Variants in LRRC3B observed in about 807,000 individuals in gnomAD.
LRRC3B encodes leucine rich repeat containing 3B, also known as leucine-rich repeat-containing protein 3B.
In LRRC3B, 2 loss-of-function variants were observed where a neutral mutation model predicts 12.8. The ratio of observed to expected loss-of-function variants is 0.16; its 90% CI spans 0.06 to 0.49. The LOEUF is 0.49. LRRC3B is among the 20% of genes least tolerant of loss of function. The pLI, the probability that LRRC3B is intolerant of heterozygous loss-of-function variation, is 0.96. For missense variants in LRRC3B, 189 were observed against 319.4 expected (o/e 0.59, Z 3.11); for synonymous variants, 132 against 122.0 (o/e 1.08, Z -0.54).
intron 1 of LRRC3B, among the ~76,000 whole-genome samples, chr3:26,704,886 A>G (rs1559374159): frequency 6.6e-6 from 1 of 152,184 alleles, no homozygotes; most frequent in African/African-American, 2.4e-5. Context: ...TTTGAATTTT[A>G]TCTTTTAAAT....
chr3:26,632,481 G>A (rs1050017319), intron 1 of LRRC3B, among the ~76,000 whole-genome samples: 1 of 152,084 alleles, frequency 6.6e-6, no homozygotes, highest in South Asian at 2.1e-4. Flanking sequence ...CTATAATTGG[G>A]ACTTCTGAAC....
rs9825413 is a variant in LRRC3B at position 26,629,015 on chromosome 3, G to A, written c.-161+5778G>A. The stretch of plus-strand genomic sequence containing the variant: ...CAGTGCAAATGTCACTACCTTTTCA[G>A]ACAGTTTAAAAAATGCTTTAGGTGC... On this transcript the variant is annotated intron_variant, in intron 1 of 1. Coordinates refer to ENST00000396641, the Ensembl canonical transcript of LRRC3B. Among the ~76,000 whole-genome samples, 660 of 152,160 alleles carry A rather than the reference G, an allele frequency of 4.3e-3. 4 individuals are homozygous for A. The highest frequency in any genetic ancestry group is 0.015 in the African/African-American group (617 of 41,510).
chr3:26,628,862 A>C (rs1022746115), intron 1 of LRRC3B, among the ~76,000 whole-genome samples: 85 of 151,080 alleles, frequency 5.6e-4, no homozygotes, highest in African/African-American at 1.9e-3. Context: ...AAAAAAAAAA[A>C]ATCCTCCACA....
At chr3:26,710,496 G>A (rs1309693268) in exon 2 of LRRC3B, 8 of 1,498,946 alleles carry the variant, frequency 5.3e-6, no homozygotes, top group East Asian at 2.3e-5. Flanking sequence ...AGTAGTTTGC[G>A]ATTGCAGTAG....
chr3:26,656,158 G>GTGC (rs753547532), intron 1 of LRRC3B, among the ~76,000 whole-genome samples: 2 of 152,126 alleles, frequency 1.3e-5, no homozygotes, highest in African/African-American at 4.8e-5. Flanking sequence ...AGGTATATTG[G>GTGC]TGCTGCTGCT....
At chr3:26,639,403 A>C (rs994339336) in intron 1 of LRRC3B, among the ~76,000 whole-genome samples, 37 of 152,250 alleles carry the variant, frequency 2.4e-4, no homozygotes, top group African/African-American at 8.2e-4. Context: ...TAAAATTTAC[A>C]GTTGAAAAAA....
chr3:26,671,413 G>GAGAGAGAGAGAGAGAGAGAGAGACACAC (rs9331540), intron 1 of LRRC3B, among the ~76,000 whole-genome samples: 12 of 99,406 alleles, frequency 1.2e-4, no homozygotes, highest in Non-Finnish European at 2.1e-4. Context: ...GAGAGAGAGA[G>GAGAGAGAGAGAGAGAGAGAGAGACACAC]ACGAAGTCTT....
intron 1 of LRRC3B, among the ~76,000 whole-genome samples, chr3:26,675,371 G>A (rs1699836067): frequency 6.6e-6 from 1 of 152,158 alleles, no homozygotes; most frequent in African/African-American, 2.4e-5. Flanking sequence ...GCCCCTTCCT[G>A]GAGTACTTGC....
chr3:26,684,880 C>G lies in LRRC3B; in HGVS notation c.-160-24633C>G, dbSNP rs1317897827. Among the ~76,000 whole-genome samples the G allele has an allele frequency of 2.0e-5, 3 of 152,338 alleles. No individual in the cohort carries two copies. In the South Asian group the frequency reaches 6.2e-4, roughly 32 times the overall value. ...ATCCCTGAGTTCACCAGTAGCAGAT[C>G]TCTGTTACTCCATTCTCACATACAA... On this transcript the variant is annotated intron_variant, in intron 1 of 1. Coordinates refer to ENST00000396641, the Ensembl canonical transcript of LRRC3B.
intron 1 of LRRC3B, among the ~76,000 whole-genome samples, chr3:26,638,937 C>T (rs1371291180): frequency 6.6e-6 from 1 of 152,158 alleles, no homozygotes; most frequent in East Asian, 1.9e-4. Context: ...ATCAGCTACC[C>T]TGAAGGTTGC....
chr3:26,693,643 T>TG (rs1700241615), intron 1 of LRRC3B, among the ~76,000 whole-genome samples: 1 of 152,208 alleles, frequency 6.6e-6, no homozygotes, highest in South Asian at 2.1e-4. Flanking sequence ...TGAGGTCCAG[T>TG]GTTAAGCAAC....
intron 1 of LRRC3B, among the ~76,000 whole-genome samples, chr3:26,666,341 A>T (rs1432052737): frequency 6.6e-6 from 1 of 152,090 alleles, no homozygotes; most frequent in Non-Finnish European, 1.5e-5. Context: ...TAAGACAATT[A>T]TTTTTTTCAG....
intron 1 of LRRC3B, among the ~76,000 whole-genome samples, chr3:26,691,548 A>G (rs530860768): frequency 1.3e-3 from 202 of 152,280 alleles, no homozygotes; most frequent in African/African-American, 4.8e-3. Context: ...GGAAGGAAGG[A>G]TAAGTATTGT....
At chr3:26,667,946 T>C in intron 1 of LRRC3B, among the ~76,000 whole-genome samples, 1 of 151,984 alleles carries the variant, frequency 6.6e-6, no homozygotes, top group East Asian at 1.9e-4. Context: ...ATTATTATTA[T>C]ACTTTAAGTT....
At chr3:26,634,857 C>A (rs902116521) in intron 1 of LRRC3B, among the ~76,000 whole-genome samples, 15 of 152,130 alleles carry the variant, frequency 9.9e-5, no homozygotes, top group African/African-American at 3.1e-4. Flanking sequence ...CAGCTTGCTT[C>A]ATTGGGCCTG....
exon 2 of LRRC3B, chr3:26,709,933 C>A: frequency 1.2e-6 from 2 of 1,614,114 alleles, no homozygotes; most frequent in Non-Finnish European, 1.7e-6. Flanking sequence ...TTAAGGACCT[C>A]CATCAACTGA....
At chr3:26,639,950 T>G (rs1698987592) in intron 1 of LRRC3B, among the ~76,000 whole-genome samples, 1 of 152,126 alleles carries the variant, frequency 6.6e-6, no homozygotes, top group Admixed American at 6.6e-5. Flanking sequence ...GGGGTGAGTT[T>G]AGGTGACTAG....
At chr3:26,667,923 AT>A (rs1162374920) in intron 1 of LRRC3B, among the ~76,000 whole-genome samples, 5 of 151,548 alleles carry the variant, frequency 3.3e-5, no homozygotes, top group South Asian at 2.1e-4. Flanking sequence ...ATTTTATTTT[AT>A]TTTTTTATTT....
intron 1 of LRRC3B, among the ~76,000 whole-genome samples, chr3:26,666,005 C>A (rs1312685673): frequency 6.6e-6 from 1 of 152,122 alleles, no homozygotes; most frequent in Non-Finnish European, 1.5e-5. Flanking sequence ...GACTATATCC[C>A]ATCTTCATTA....
Sources: gnomAD v4.1 joint callset for allele counts (sites outside exome capture counted in the v4.1 genomes callset) on GRCh38, gnomAD v4.1.1 for gene constraint, MANE v1.5 for transcripts, NCBI Gene and HGNC (gene_info 2026-07-23, HGNC 2026-07-21) for gene names.